The following CNTN1 variants were observed in gnomAD, a reference collection of about 807,000 sequenced individuals.
The protein encoded by CNTN1 is contactin 1.
In CNTN1, 38 loss-of-function variants were observed where a neutral mutation model predicts 126.4. That is an observed-to-expected ratio of 0.30 (90% confidence interval 0.23 to 0.39). CNTN1 has a LOEUF of 0.39. Ranked by LOEUF, CNTN1 falls within the 10% of genes least tolerant of loss-of-function variation. The probability of loss-of-function intolerance (pLI) is 1.00; values close to 1 mark genes in which losing one functional copy is unlikely to be tolerated. For missense variants in CNTN1, 1,009 were observed against 1,248.4 expected, an observed-to-expected ratio of 0.81 and a Z score of 2.89; for synonymous variants, 413 against 422.6, an observed-to-expected ratio of 0.98 and a Z score of 0.28.
intron 1 of CNTN1, among the ~76,000 whole-genome samples, chr12:40,891,145 T>C (rs987806084): frequency 1.3e-5 from 2 of 152,180 alleles, no homozygotes; most frequent in Non-Finnish European, 2.9e-5. Flanking sequence ...CATATATTGA[T>C]TTGCCATTTG....
At chr12:40,913,749 A>C (rs975603345) in intron 3 of CNTN1, among the ~76,000 whole-genome samples, 2 of 152,222 alleles carry the variant, frequency 1.3e-5, no homozygotes, top group African/African-American at 4.8e-5. Flanking sequence ...ATAAGTGACT[A>C]ATTATATTAA....
intron 17 of CNTN1, among the ~76,000 whole-genome samples, chr12:41,003,520 G>C (rs181293543): frequency 6.6e-6 from 1 of 151,684 alleles, no homozygotes; most frequent in Non-Finnish European, 1.5e-5. Context: ...AGCAGGAATG[G>C]TACCAGCTCT....
At chr12:40,773,516 G>A (rs1939428065) in intron 1 of CNTN1, among the ~76,000 whole-genome samples, 1 of 150,962 alleles carries the variant, frequency 6.6e-6, no homozygotes, top group South Asian at 2.1e-4. Context: ...TCTGTGCTGT[G>A]TGAGCAGCAG....
chr12:40,978,551 A>G (rs1227467325), intron 15 of CNTN1, among the ~76,000 whole-genome samples: 1 of 152,178 alleles, frequency 6.6e-6, no homozygotes, highest in Admixed American at 6.6e-5. Flanking sequence ...TCTATACACC[A>G]AATATTTATG....
At chr12:40,784,427 T>C (rs1185063388) in intron 1 of CNTN1, among the ~76,000 whole-genome samples, 1 of 152,184 alleles carries the variant, frequency 6.6e-6, no homozygotes, top group Non-Finnish European at 1.5e-5. Context: ...CTTCAGTTTT[T>C]CAAGATAAAT....
chr12:40,699,675 A>G (rs1941546231), intron 1 of CNTN1, among the ~76,000 whole-genome samples: 2 of 152,208 alleles, frequency 1.3e-5, no homozygotes, highest in Non-Finnish European at 1.5e-5. Flanking sequence ...ATTACAAAGC[A>G]TGGTCACATG....
At chr12:40,900,516 C>T (rs980818416) in intron 1 of CNTN1, among the ~76,000 whole-genome samples, 2 of 152,066 alleles carry the variant, frequency 1.3e-5, no homozygotes, top group Non-Finnish European at 2.9e-5. Flanking sequence ...AACTATCTTG[C>T]CTGTGGAACT....
intron 1 of CNTN1, among the ~76,000 whole-genome samples, chr12:40,706,632 CAA>C (rs78573447): frequency 0.15 from 23,290 of 152,044 alleles, 2,466 homozygotes; most frequent in East Asian, 0.48. Flanking sequence ...TTTAAGTAAA[CAA>C]AGAGAATATT....
At chr12:41,039,909 CA>C (rs1406505912) in intron 23 of CNTN1, among the ~76,000 whole-genome samples, 1 of 152,056 alleles carries the variant, frequency 6.6e-6, no homozygotes. Flanking sequence ...CTGTTAGTAA[CA>C]AACTCTCAAC....
intron 1 of CNTN1, among the ~76,000 whole-genome samples, chr12:40,738,199 G>T (rs1444338002): frequency 6.6e-6 from 1 of 151,940 alleles, no homozygotes; most frequent in African/African-American, 2.4e-5. Flanking sequence ...TGTTCAGAGT[G>T]TACAATGTTG....
chr12:40,867,436 TG>T (rs1272915887), intron 1 of CNTN1, among the ~76,000 whole-genome samples: 1 of 152,180 alleles, frequency 6.6e-6, no homozygotes, highest in Non-Finnish European at 1.5e-5. Context: ...TTCAACAGCA[TG>T]GGACTATAGT....
chr12:40,714,963 A>C (rs1430649538), intron 1 of CNTN1, among the ~76,000 whole-genome samples: 2 of 152,166 alleles, frequency 1.3e-5, no homozygotes, highest in East Asian at 3.9e-4. Flanking sequence ...TGGATTGAAA[A>C]ATTCTCTGTG....
At chr12:41,057,441 G>A (rs1418635865) in intron 23 of CNTN1, among the ~76,000 whole-genome samples, 1 of 151,684 alleles carries the variant, frequency 6.6e-6, no homozygotes, top group East Asian at 1.9e-4. Context: ...TATTATTAAA[G>A]TTTAATGTGC....
At chr12:40,899,088 T>A (rs1944512745) in intron 1 of CNTN1, among the ~76,000 whole-genome samples, 1 of 152,212 alleles carries the variant, frequency 6.6e-6, no homozygotes, top group South Asian at 2.1e-4. Flanking sequence ...AGTGAGCTCT[T>A]GGATCTGGCA....
At chr12:40,706,776 A>G (rs1591992981) in intron 1 of CNTN1, among the ~76,000 whole-genome samples, 1 of 152,320 alleles carries the variant, frequency 6.6e-6, no homozygotes. Context: ...TGTGCTGTAT[A>G]ACTGATACAT....
At chr12:41,036,667 A>G (rs549475050) in intron 23 of CNTN1, among the ~76,000 whole-genome samples, 2 of 152,304 alleles carry the variant, frequency 1.3e-5, no homozygotes, top group East Asian at 1.9e-4. Flanking sequence ...CACAGATAAT[A>G]GTGTAGCCAT....
At chr12:40,780,512 T>C (rs1367215774) in intron 1 of CNTN1, among the ~76,000 whole-genome samples, 5 of 151,740 alleles carry the variant, frequency 3.3e-5, no homozygotes, top group Non-Finnish European at 7.4e-5. Flanking sequence ...CCTATCAAAA[T>C]AAAATAAAAT....
At chr12:40,861,054 T>C (rs563932124) in intron 1 of CNTN1, among the ~76,000 whole-genome samples, 1 of 152,242 alleles carries the variant, frequency 6.6e-6, no homozygotes, top group South Asian at 2.1e-4. Flanking sequence ...CTCAGGGTAA[T>C]GTAACTACCA....
chr12:40,985,541 G>C (rs993464868), intron 16 of CNTN1, among the ~76,000 whole-genome samples: 2 of 151,894 alleles, frequency 1.3e-5, no homozygotes, highest in Non-Finnish European at 2.9e-5. Flanking sequence ...TTGTTCTGTT[G>C]TCTTTTGTCT....
Sources: gnomAD v4.1 joint callset for allele counts (sites outside exome capture counted in the v4.1 genomes callset) on GRCh38, gnomAD v4.1.1 for gene constraint, MANE v1.5 for transcripts, NCBI Gene and HGNC (gene_info 2026-07-23, HGNC 2026-07-21) for gene names.